Variants in TDRD7 observed in about 807,000 individuals in gnomAD.
The protein encoded by TDRD7 is tudor domain containing 7, also known as tudor domain-containing protein 7.
TDRD7 carries 47 observed loss-of-function variants against 109.8 expected under a neutral mutation model. The ratio of observed to expected loss-of-function variants is 0.43; its 90% CI spans 0.34 to 0.55. TDRD7 has a LOEUF of 0.55. Among genes scored for constraint, TDRD7 ranks in the 20% least tolerant of loss-of-function variants. The pLI is 0.03. For missense variants in TDRD7, 1,164 were observed against 1,319.2 expected, an observed-to-expected ratio of 0.88 and a Z score of 1.82; for synonymous variants, 424 against 457.3, an observed-to-expected ratio of 0.93 and a Z score of 0.93.
chr9:97,486,689 G>T (rs930827956), intron 15 of TDRD7, among the ~76,000 whole-genome samples: 1 of 152,038 alleles, frequency 6.6e-6, no homozygotes, highest in African/African-American at 2.4e-5. Context: ...AAAACACTAT[G>T]CCCTCTCCAG....
intron 4 of TDRD7, among the ~76,000 whole-genome samples, chr9:97,438,138 T>C (rs1044854225): frequency 6.6e-6 from 1 of 152,160 alleles, no homozygotes; most frequent in Admixed American, 6.5e-5. Flanking sequence ...GAGTACTATC[T>C]CCCTACCAGT....
At chr9:97,473,871 G>C (rs1031742611) in intron 11 of TDRD7, among the ~76,000 whole-genome samples, 24 of 152,302 alleles carry the variant, frequency 1.6e-4, no homozygotes, top group African/African-American at 5.3e-4. Context: ...ATTGTCCTGA[G>C]GACACTGTGC....
chr9:97,470,892 A>T lies in TDRD7; in HGVS notation c.1741+223A>T, dbSNP rs185441851. ...ATAAAAACGTATTATAATTTCTTAT[A>T]AAAATTTCAGCCATCTTAAAGGGAT... On this transcript the variant is annotated intron_variant, in intron 9 of 16. Transcript: ENST00000355295. 2.1e-3 allele frequency among the ~76,000 whole-genome samples: 313 copies of T among 152,338 alleles called. 3 individuals carry two copies. Among genetic ancestry groups the T allele is most frequent in the African/African-American group, 7.2e-3 (299 of 41,580 alleles).
rs1828960669 is a variant in TDRD7, at chr9:97,473,645, T to C, written c.2079+19T>C. On this transcript the variant is annotated intron_variant, in intron 11 of 16. Transcript: ENST00000355295. Reference sequence around the variant, plus strand: ...TTGCAAGGTATAGCAGAACCTCTTCTACCTCTAAAATTAGCCCTAAAATTA... The same window carrying C: ...TTGCAAGGTATAGCAGAACCTCTTCCACCTCTAAAATTAGCCCTAAAATTA... The C allele has an allele frequency of 6.2e-7, 1 of 1,613,378 alleles. No individual in the cohort carries two copies. Among genetic ancestry groups the C allele is most frequent in the Non-Finnish European group, 8.5e-7 (1 of 1,179,566 alleles).
intron 15 of TDRD7, among the ~76,000 whole-genome samples, chr9:97,483,746 G>A (rs921020058): frequency 7.9e-5 from 12 of 151,834 alleles, no homozygotes; most frequent in African/African-American, 2.9e-4. Context: ...CATAACACTT[G>A]TTAAACTACT....
Position 97,487,178 on chromosome 9 carries a change from C to T in TDRD7, c.2922C>T (p.His974=), listed in dbSNP as rs775021062. The T allele has an allele frequency of 6.2e-7, 1 of 1,613,898 alleles. No individual in the cohort carries two copies. Among genetic ancestry groups the T allele is most frequent in the Non-Finnish European group, 8.5e-7 (1 of 1,179,886 alleles). ...VYAAKVENKW[H]RVLLKGILTN... Reference sequence around the variant, plus strand: ...TAATTTAATGTACATCTAGGTGGCACAGGGTGCTTTTAAAAGGAATCCTGA... The same window carrying T: ...TAATTTAATGTACATCTAGGTGGCATAGGGTGCTTTTAAAAGGAATCCTGA... The change falls in exon 16 of 17, where the codon CAC becomes CAT. Residue 974 remains histidine, a synonymous_variant. Coordinates refer to ENST00000355295, the MANE Select transcript of TDRD7 (RefSeq NM_014290.3).
chr9:97,475,787 T>G (rs1434448537), intron 12 of TDRD7, among the ~76,000 whole-genome samples: 2 of 152,192 alleles, frequency 1.3e-5, no homozygotes, highest in African/African-American at 4.8e-5. Context: ...AATATATTAA[T>G]GAATATGTGT....
intron 5 of TDRD7, among the ~76,000 whole-genome samples, chr9:97,441,367 G>C (rs1828301605): frequency 6.6e-6 from 1 of 152,144 alleles, no homozygotes; most frequent in South Asian, 2.1e-4. Context: ...TATTCTTTAT[G>C]TAGCAAGATC....
intron 15 of TDRD7, among the ~76,000 whole-genome samples, chr9:97,486,178 C>T (rs1229738506): frequency 6.6e-6 from 1 of 152,162 alleles, no homozygotes; most frequent in African/African-American, 2.4e-5. Context: ...CTGACCATGC[C>T]ACCTGAACTA....
chr9:97,453,676 T>C (rs35669207), intron 6 of TDRD7, among the ~76,000 whole-genome samples: 38,514 of 151,472 alleles, frequency 0.25, 4,942 homozygotes, highest in Middle Eastern at 0.29. Flanking sequence ...ACACACAGGC[T>C]CAAAATAAAG....
Position 97,475,066 on chromosome 9 carries a change from A to G in TDRD7, c.2080-317A>G, listed in dbSNP as rs77947784. Among the ~76,000 whole-genome samples the G allele has an allele frequency of 3.4e-4, 52 of 152,328 alleles. 1 individual carries two copies. The East Asian group carries it at 9.6e-3, about 28-fold the overall frequency. ...ACTGTTCTTCTTTTTGTCAGATTCA[A>G]CACCTCTCTTCATGTGTAACTGATG... is the stretch of plus-strand genomic sequence containing the variant. On this transcript the variant is annotated intron_variant, in intron 11 of 16. Coordinates refer to ENST00000355295, the MANE Select transcript of TDRD7 (RefSeq NM_014290.3).
intron 5 of TDRD7, among the ~76,000 whole-genome samples, chr9:97,439,527 A>G (rs1298274676): frequency 1.3e-5 from 2 of 152,170 alleles, no homozygotes; most frequent in African/African-American, 4.8e-5. Context: ...CACTGACTTG[A>G]GGCCTTCCTC....
At chr9:97,494,712 AT>A (rs796852536) in intron 16 of TDRD7, among the ~76,000 whole-genome samples, 2,804 of 73,372 alleles carry the variant, frequency 0.038, 46 homozygotes, top group South Asian at 0.087. Context: ...ATATATATAT[AT>A]TTTTTTTTTT....
intron 6 of TDRD7, 32 bp downstream of exon 6, chr9:97,441,907 C>T (rs1455026115): frequency 2.5e-6 from 4 of 1,572,146 alleles, no homozygotes; most frequent in Non-Finnish European, 2.6e-6. Context: ...CCTTCTGATA[C>T]CTCCTCCCTG....
At chr9:97,484,390 G>A (rs1182221531) in intron 15 of TDRD7, among the ~76,000 whole-genome samples, 1 of 151,920 alleles carries the variant, frequency 6.6e-6, no homozygotes, top group Admixed American at 6.6e-5. Flanking sequence ...TGCCCATCCT[G>A]TTCCTTTGCC....
In TDRD7 at chr9:97,480,183, C is replaced by A. The variant is rs537416034; in HGVS notation, c.2302-645C>A. On this transcript the variant is annotated intron_variant, in intron 13 of 16. Coordinates refer to ENST00000355295, the MANE Select transcript of TDRD7 (RefSeq NM_014290.3). ...GGTTTGCTTGAAGCTGAAGGAAATCCCTGAGTTCACTTTTTAGCCTCTGTT... is the reference window on the plus strand; with the variant it reads ...GGTTTGCTTGAAGCTGAAGGAAATCACTGAGTTCACTTTTTAGCCTCTGTT... 2.0e-5 allele frequency among the ~76,000 whole-genome samples: 3 copies of A among 152,250 alleles called. No individual in the cohort carries two copies. The South Asian group carries it at 6.2e-4, about 32-fold the overall frequency.
rs1316092659 is a variant in TDRD7, at chr9:97,431,973, AGT to A, written c.350-50_350-49del. 3.0e-5 allele frequency: 45 copies of A among 1,506,788 alleles called. No individual in the cohort carries two copies. In the Admixed American group the frequency reaches 7.5e-4, roughly 25 times the overall value. 93.3% of individuals were successfully genotyped at this position (1,506,788 alleles called of 1,614,324 possible). A position where few individuals can be genotyped will look rare whatever the true frequency, so the allele number is the denominator to read the frequency against. The stretch of plus-strand genomic sequence containing the variant: ...CTGGTCAGGGGAGTGTCATAATGAA[AGT>A]GGGGTTTGGGGATGCTAATTGATTT... On this transcript the variant is annotated intron_variant, in intron 3 of 16. Coordinates refer to ENST00000355295, the MANE Select transcript of TDRD7 (RefSeq NM_014290.3).
Position 97,432,110 on chromosome 9 carries a change from C to A in TDRD7, c.435C>A (p.Asp145Glu). ...AACCTAATCCAGCACCGTTAAGAGACAAAGGAAACTCTGTTGGAGTTAAGC... is the reference window on the plus strand; with the variant it reads ...AACCTAATCCAGCACCGTTAAGAGAAAAAGGAAACTCTGTTGGAGTTAAGC... ...GKKPNPAPLRDKGNSVGVKPD... is the reference protein window; with the variant it reads ...GKKPNPAPLREKGNSVGVKPD... The change falls in exon 4 of 17, where the codon GAC (aspartate) becomes GAA (glutamate). Residue 145 changes from aspartate (D) to glutamate (E), a missense_variant. Transcript: ENST00000355295. 1.2e-6 allele frequency: 2 copies of A among 1,613,818 alleles called. No homozygotes were observed. Among genetic ancestry groups the A allele is most frequent in the Non-Finnish European group, 1.7e-6 (2 of 1,179,800 alleles).
At chr9:97,430,886 C>T (rs557882413) in intron 2 of TDRD7, 47 bp from the exon 3 acceptor site, 53 of 1,612,380 alleles carry the variant, frequency 3.3e-5, no homozygotes, top group Non-Finnish European at 4.1e-5. Context: ...CTAGGCAACA[C>T]GGAATCTGAG....
Sources: gnomAD v4.1 joint callset for allele counts (sites outside exome capture counted in the v4.1 genomes callset) on GRCh38, gnomAD v4.1.1 for gene constraint, MANE v1.5 for transcripts, NCBI Gene and HGNC (gene_info 2026-07-23, HGNC 2026-07-21) for gene names.